The following PLAC1 variants were observed in gnomAD, a reference collection of about 807,000 sequenced individuals.
PLAC1 encodes the protein placenta-specific protein 1.
For missense variants in PLAC1, 136 were observed against 163.2 expected, an observed-to-expected ratio of 0.83 and a Z score of 0.91; for synonymous variants, 68 against 62.1, an observed-to-expected ratio of 1.09 and a Z score of -0.44.
At chrX:134,718,383 C>T (rs960202152) in intron 2 of PLAC1, among the ~76,000 whole-genome samples, 1 of 112,131 alleles carries the variant, frequency 8.9e-6, no homozygotes, top group Non-Finnish European at 1.9e-5. Flanking sequence ...TGCCCATGGG[C>T]ATTACTTGAA....
intron 1 of PLAC1, among the ~76,000 whole-genome samples, chrX:134,652,558 T>C (rs933748989): frequency 9.0e-6 from 1 of 111,450 alleles, no homozygotes; most frequent in Admixed American, 9.5e-5. Context: ...AATTCAGAAG[T>C]GGGCTTGGGT....
chrX:134,604,539 T>C lies in PLAC1; in HGVS notation c.-130-2417A>G, dbSNP rs773284690. On this transcript the variant is annotated intron_variant, in intron 1 of 2. Coordinates refer to ENST00000359237, the MANE Select transcript of PLAC1 (RefSeq NM_021796.4). The stretch of plus-strand genomic sequence containing the variant: ...TCAAACATGACAGAAGATGCAAGCA[T>C]TTGGAAACTTACATCAGCCATCATC... The C allele has an allele frequency of 2.7e-5, 3 of 111,951 alleles. No homozygotes were observed. In the South Asian group the frequency reaches 1.1e-3, roughly 42 times the overall value. 9.2% of individuals were successfully genotyped at this position (111,951 alleles called of 1,213,427 possible).
chrX:134,605,239 G>A (rs935145734), intron 1 of PLAC1, among the ~76,000 whole-genome samples: 5 of 111,370 alleles, frequency 4.5e-5, no homozygotes, highest in African/African-American at 1.6e-4. Flanking sequence ...CCCTGTAGTT[G>A]AGCCTGTGAC....
intron 1 of PLAC1, among the ~76,000 whole-genome samples, chrX:134,636,169 A>T (rs921425745): frequency 8.9e-6 from 1 of 112,110 alleles, no homozygotes; most frequent in Non-Finnish European, 1.9e-5. Context: ...AGGCAGATAT[A>T]CCAAAAAACC....
At chrX:134,594,668 A>G (rs1316559116) in intron 2 of PLAC1, among the ~76,000 whole-genome samples, 2 of 110,761 alleles carry the variant, frequency 1.8e-5, no homozygotes, top group African/African-American at 6.5e-5. Flanking sequence ...TAAAGTTGTT[A>G]ACCTTTTGAT....
intron 2 of PLAC1, among the ~76,000 whole-genome samples, chrX:134,725,531 T>A (rs750316156): frequency 8.9e-6 from 1 of 111,871 alleles, no homozygotes; most frequent in Admixed American, 9.5e-5. Flanking sequence ...TTTTAACAAG[T>A]TCCCCGTGAC....
At chrX:134,606,771 G>A (rs1179383306) in intron 1 of PLAC1, among the ~76,000 whole-genome samples, 4 of 112,079 alleles carry the variant, frequency 3.6e-5, no homozygotes, top group African/African-American at 1.3e-4. Flanking sequence ...GTTTATCACT[G>A]CACTATTCAC....
intron 1 of PLAC1, among the ~76,000 whole-genome samples, chrX:134,759,470 G>A (rs776334641): frequency 2.7e-5 from 3 of 111,826 alleles, no homozygotes; most frequent in South Asian, 7.5e-4. Context: ...TACATTGGTG[G>A]TGGGAATGTA....
intron 2 of PLAC1, chrX:134,600,844 C>T (rs2078085226): frequency 9.0e-6 from 1 of 110,908 alleles, no homozygotes; most frequent in African/African-American, 3.3e-5. Flanking sequence ...CATAATCCCA[C>T]AACGTAGGGA....
chrX:134,680,553 C>CTAAAA (rs2078491775), intron 2 of PLAC1, among the ~76,000 whole-genome samples: 5 of 74,380 alleles, frequency 6.7e-5, no homozygotes, highest in Admixed American at 3.0e-4. Context: ...CTGAACTAAA[C>CTAAAA]TAAACTAAAC....
intron 2 of PLAC1, among the ~76,000 whole-genome samples, chrX:134,587,721 A>G (rs1319419687): frequency 8.9e-6 from 1 of 111,937 alleles, no homozygotes; most frequent in African/African-American, 3.2e-5. Flanking sequence ...TAAGTAGGGG[A>G]GATGGCACCA....
chrX:134,627,256 G>C (rs2078240915), intron 1 of PLAC1, among the ~76,000 whole-genome samples: 1 of 111,696 alleles, frequency 9.0e-6, no homozygotes, highest in Non-Finnish European at 1.9e-5. Context: ...GAAAGGCCTT[G>C]TGCTTTTTGA....
chrX:134,616,642 A>T (rs2078182699), intron 1 of PLAC1, among the ~76,000 whole-genome samples: 1 of 110,456 alleles, frequency 9.1e-6, no homozygotes, highest in Non-Finnish European at 1.9e-5. Context: ...TCTCAAAACA[A>T]AAAAAACAAA....
chrX:134,715,608 C>A (rs888662352), intron 2 of PLAC1, among the ~76,000 whole-genome samples: 2 of 111,762 alleles, frequency 1.8e-5, no homozygotes, highest in Non-Finnish European at 3.8e-5. Context: ...TCATTTGTGT[C>A]CTTGGATCTG....
At chrX:134,736,804 C>T (rs2078704246) in intron 1 of PLAC1, among the ~76,000 whole-genome samples, 2 of 112,262 alleles carry the variant, frequency 1.8e-5, no homozygotes, top group Admixed American at 1.9e-4. Flanking sequence ...TGGGAAGCTC[C>T]CCTGAAAGAG....
intron 1 of PLAC1, among the ~76,000 whole-genome samples, chrX:134,627,853 A>G (rs868048608): frequency 9.0e-6 from 1 of 111,584 alleles, no homozygotes; most frequent in Non-Finnish European, 1.9e-5. Flanking sequence ...AGCTGTCCCA[A>G]TTACAGAGGC....
intron 1 of PLAC1, among the ~76,000 whole-genome samples, chrX:134,614,614 C>G (rs1330800296): frequency 9.0e-6 from 1 of 110,504 alleles, no homozygotes; most frequent in Non-Finnish European, 1.9e-5. Context: ...CACACACACA[C>G]ACAATATACA....
At chrX:134,625,477 A>T (rs1414652510) in intron 1 of PLAC1, among the ~76,000 whole-genome samples, 2 of 112,167 alleles carry the variant, frequency 1.8e-5, no homozygotes, top group African/African-American at 3.2e-5. Flanking sequence ...AAGCCCTTCA[A>T]AGTGATTCAG....
chrX:134,703,774 G>A (rs12842380), intron 2 of PLAC1, among the ~76,000 whole-genome samples: 5 of 109,362 alleles, frequency 4.6e-5, no homozygotes, highest in African/African-American at 1.0e-4. Context: ...GACCAATTCC[G>A]GGGGGTATTG....
Sources: gnomAD v4.1 joint callset for allele counts (sites outside exome capture counted in the v4.1 genomes callset) on GRCh38, gnomAD v4.1.1 for gene constraint, MANE v1.5 for transcripts, NCBI Gene and HGNC (gene_info 2026-07-23, HGNC 2026-07-21) for gene names.